The following CYP3A43 variants were observed in gnomAD, a reference collection of about 807,000 sequenced individuals.
CYP3A43 encodes cytochrome P450 family 3 subfamily A member 43.
Under a neutral mutation model 58.0 loss-of-function variants are expected in CYP3A43, and 45 were observed. The observed-to-expected ratio is 0.78, with a 90% CI of 0.61 to 0.99. CYP3A43 has a LOEUF of 0.99. CYP3A43 is among the 50% of genes least tolerant of loss of function. The pLI, the probability that CYP3A43 is intolerant of heterozygous loss-of-function variation, is 0.00. For missense variants in CYP3A43, 593 were observed against 591.9 expected, an observed-to-expected ratio of 1.00 and a Z score of -0.02; for synonymous variants, 191 against 201.4, an observed-to-expected ratio of 0.95 and a Z score of 0.44.
chr7:99,845,477 C>A (rs1314081302), intron 4 of CYP3A43, among the ~76,000 whole-genome samples: 1 of 152,008 alleles, frequency 6.6e-6, no homozygotes, highest in Non-Finnish European at 1.5e-5. Flanking sequence ...TGTGCACCAC[C>A]GTGCTCATCT....
intron 1 of CYP3A43, among the ~76,000 whole-genome samples, chr7:99,832,089 A>C (rs1325157266): frequency 6.6e-6 from 1 of 152,184 alleles, no homozygotes; most frequent in Non-Finnish European, 1.5e-5. Flanking sequence ...GGAATGTTTA[A>C]GGATGGCCAG....
At position 99,849,564 on chromosome 7, in the gene CYP3A43, C is replaced by T; in HGVS notation, c.540C>T (p.Thr180=). 1 of 1,610,234 alleles carries T rather than the reference C, an allele frequency of 6.2e-7. No individual in the cohort carries two copies. Among genetic ancestry groups the T allele is most frequent in the Non-Finnish European group, 8.5e-7 (1 of 1,179,114 alleles). Residue 180 remains threonine (T), a synonymous_variant, in exon 7 of 13, where the codon ACC becomes ACT. Coordinates refer to ENST00000354829, the MANE Select transcript of CYP3A43 (RefSeq NM_057095.3). ...INLKDFFGAY[T]MDVITGTLFG... ...TACTCAGTTTCTTTGGGGCCTACAC[C>T]ATGGATGTAATCACTGGCACATTAT...
At chr7:99,862,056 T>C (rs371654408) in intron 11 of CYP3A43, among the ~76,000 whole-genome samples, 1 of 139,202 alleles carries the variant, frequency 7.2e-6, no homozygotes, top group African/African-American at 3.4e-5. Flanking sequence ...GTAGGCATTT[T>C]TCTATGCATA....
At position 99,830,411 on chromosome 7, in the gene CYP3A43, G is replaced by A. The variant is rs148539113; in HGVS notation, c.71+2225G>A. On this transcript the variant is annotated intron_variant, in intron 1 of 12. Transcript: ENST00000354829. ...CAGGTGCCTGCAATCCCAGCTACTC[G>A]GGAGGCTGAGGCAGGAGAATCGCCT... Among the ~76,000 whole-genome samples the A allele has an allele frequency of 2.5e-3, 387 of 152,188 alleles. 1 individual carries two copies. Among genetic ancestry groups the A allele is most frequent in the African/African-American group, 8.8e-3 (365 of 41,530 alleles).
Position 99,843,937 on chromosome 7 carries a change from G to C in CYP3A43, c.219-206G>C, listed in dbSNP as rs186022935. Among the ~76,000 whole-genome samples, 21 of 152,208 alleles carry C rather than the reference G, an allele frequency of 1.4e-4. No individual in the cohort carries two copies. In the East Asian group the frequency reaches 1.5e-3, roughly 11 times the overall value. ...TCCTGTTTGAGCCACATCACCCTTCGTTGTATGAAGGCTTAAGTGGCTTCC... is the reference window on the plus strand; with the variant it reads ...TCCTGTTTGAGCCACATCACCCTTCCTTGTATGAAGGCTTAAGTGGCTTCC... On this transcript the variant is annotated intron_variant, in intron 3 of 12. Coordinates refer to ENST00000354829, the MANE Select transcript of CYP3A43 (RefSeq NM_057095.3).
At chr7:99,836,861 A>G (rs1430776105) in intron 2 of CYP3A43, among the ~76,000 whole-genome samples, 1 of 152,178 alleles carries the variant, frequency 6.6e-6, no homozygotes, top group Non-Finnish European at 1.5e-5. Context: ...TTGAGAAGCT[A>G]CAGTTGTCCT....
chr7:99,853,929 G>A (rs577468838), intron 7 of CYP3A43, among the ~76,000 whole-genome samples: 1 of 152,226 alleles, frequency 6.6e-6, no homozygotes, highest in South Asian at 2.1e-4. Flanking sequence ...ACACGAGATG[G>A]TTTTGATACA....
intron 3 of CYP3A43, among the ~76,000 whole-genome samples, chr7:99,843,613 G>A (rs956012179): frequency 6.1e-4 from 93 of 152,036 alleles, no homozygotes; most frequent in African/African-American, 2.1e-3. Context: ...TTACAGGTGT[G>A]AGCCACCACG....
In CYP3A43 at chr7:99,855,685, G is replaced by A; in HGVS notation, c.765G>A (p.Arg255=). The change falls in exon 8 of 13, where the codon AGG becomes AGA. Residue 255 remains arginine (R), a synonymous_variant. Coordinates refer to ENST00000354829, the MANE Select transcript of CYP3A43 (RefSeq NM_057095.3). The part of the protein sequence containing the change: ...VTHFLKNSIE[R]MKESRLKDKQ... ...ATTTTTTAAAAAATTCCATTGAAAG[G>A]ATGAAAGAAAGTCGCCTCAAAGATA... The A allele has an allele frequency of 6.2e-7, 1 of 1,612,490 alleles. No homozygotes were observed.
At chr7:99,862,907 A>T (rs1284942858) in intron 11 of CYP3A43, among the ~76,000 whole-genome samples, 2 of 152,170 alleles carry the variant, frequency 1.3e-5, no homozygotes, top group Admixed American at 6.5e-5. Context: ...CTGTGGCTGC[A>T]CCAACACAAA....
At position 99,847,511 on chromosome 7, in the gene CYP3A43, G is replaced by A; in HGVS notation, c.342G>A (p.Leu114=). The A allele has an allele frequency of 1.2e-6, 2 of 1,613,924 alleles. No homozygotes were observed. The highest frequency in any genetic ancestry group is 2.2e-5 in the East Asian group (1 of 44,874). ...AGCCTTTAGGTCCAATGGGATTTCT[G>A]AAAAGTGCCTTAAGTTTTGCTGAAG... ...NQMPLGPMGF[L]KSALSFAEDE... Residue 114 remains leucine (L), a synonymous_variant, in exon 5 of 13, where the codon CTG becomes CTA. Coordinates refer to ENST00000354829, the MANE Select transcript of CYP3A43 (RefSeq NM_057095.3).
At chr7:99,841,888 A>T (rs1033325395) in intron 3 of CYP3A43, among the ~76,000 whole-genome samples, 3 of 152,156 alleles carry the variant, frequency 2.0e-5, no homozygotes, top group African/African-American at 7.2e-5. Flanking sequence ...AAAGGATCTG[A>T]CACATACTCT....
At chr7:99,828,995 T>C (rs1816734095) in intron 1 of CYP3A43, among the ~76,000 whole-genome samples, 1 of 152,218 alleles carries the variant, frequency 6.6e-6, no homozygotes, top group Non-Finnish European at 1.5e-5. Flanking sequence ...CATCATGTGT[T>C]TTCTCCCTTC....
In CYP3A43 at chr7:99,855,578, A is replaced by G. The variant is rs752052905; in HGVS notation, c.671-13A>G. 1 of 1,578,458 alleles carries G rather than the reference A, an allele frequency of 6.3e-7. No individual in the cohort carries two copies. The highest frequency in any genetic ancestry group is 8.6e-7 in the Non-Finnish European group (1 of 1,166,764). ...TGATTTATTTTTTCTTTTTCTATTT[A>G]ATTTTCCTATAGCACTCTTTCCATT... On this transcript the variant is annotated splice_polypyrimidine_tract_variant and intron_variant, in intron 7 of 12. Coordinates refer to ENST00000354829, the MANE Select transcript of CYP3A43 (RefSeq NM_057095.3).
At chr7:99,864,819 G>A (rs1818384008) in intron 12 of CYP3A43, among the ~76,000 whole-genome samples, 1 of 148,406 alleles carries the variant, frequency 6.7e-6, no homozygotes, top group Admixed American at 6.6e-5. Flanking sequence ...GAGTGTGTAT[G>A]TCTGTCTGCA....
intron 1 of CYP3A43, among the ~76,000 whole-genome samples, chr7:99,832,063 A>G (rs1484788995): frequency 6.6e-6 from 1 of 152,190 alleles, no homozygotes; most frequent in Non-Finnish European, 1.5e-5. Context: ...TGATTCTTCC[A>G]GAGCTCCTCT....
chr7:99,829,563 G>A (rs1003671283), intron 1 of CYP3A43, among the ~76,000 whole-genome samples: 1 of 152,102 alleles, frequency 6.6e-6, no homozygotes, highest in Non-Finnish European at 1.5e-5. Flanking sequence ...AGGAGCTATA[G>A]GAGAGAAAAA....
At chr7:99,839,257 T>G in intron 3 of CYP3A43, 85 bp downstream of exon 3, 1 of 1,524,264 alleles carries the variant, frequency 6.6e-7, no homozygotes, top group South Asian at 1.1e-5. Flanking sequence ...CAGCCCAGAT[T>G]TTGTTTGGAT....
intron 3 of CYP3A43, among the ~76,000 whole-genome samples, chr7:99,843,846 A>G (rs546827817): frequency 6.6e-6 from 1 of 152,342 alleles, no homozygotes; most frequent in South Asian, 2.1e-4. Context: ...CCTAGATGTA[A>G]CAAAGGCTTC....
Sources: allele counts gnomAD v4.1 joint callset (sites outside exome capture counted in the v4.1 genomes callset), GRCh38; gene constraint gnomAD v4.1.1; transcripts MANE v1.5; gene names NCBI Gene and HGNC (gene_info 2026-07-23, HGNC 2026-07-21).